Variants in NSD1 observed in about 807,000 individuals in gnomAD.
NSD1 encodes histone-lysine N-methyltransferase, H3 lysine-36 specific.
Under a neutral mutation model 242.7 loss-of-function variants are expected in NSD1, and 26 were observed. That is an observed-to-expected ratio of 0.11 (90% CI 0.08 to 0.15). The LOEUF is 0.15. NSD1 is among the 10% of genes least tolerant of loss of function. The pLI is 1.00. For missense variants in NSD1, 2,495 were observed against 3,272.8 expected, an observed-to-expected ratio of 0.76 and a Z score of 5.80; for synonymous variants, 1,106 against 1,178.1, an observed-to-expected ratio of 0.94 and a Z score of 1.25.
chr5:177,144,470 A>T (rs1304416281), intron 2 of NSD1, among the ~76,000 whole-genome samples: 1 of 152,120 alleles, frequency 6.6e-6, no homozygotes, highest in African/African-American at 2.4e-5. Flanking sequence ...TTTAATTAGT[A>T]ATCAGGAGCA....
intron 9 of NSD1, among the ~76,000 whole-genome samples, chr5:177,245,849 G>A (rs975424376): frequency 6.6e-6 from 1 of 152,032 alleles, no homozygotes; most frequent in African/African-American, 2.4e-5. Context: ...ATGTTGGCCA[G>A]GATGGTCTTG....
chr5:177,158,270 TTTCTTTCTTTCTTTCTTTCTTTC>T (rs1314848556), intron 2 of NSD1, among the ~76,000 whole-genome samples: 50 of 103,746 alleles, frequency 4.8e-4, no homozygotes, highest in African/African-American at 2.7e-3. Flanking sequence ...TCTTTCTTTC[TTTCTTTCTTTCTTTCTTTCTTTC>T]TTTCTTTCTT....
At chr5:177,195,493 G>A (rs1345697942) in intron 3 of NSD1, among the ~76,000 whole-genome samples, 1 of 151,840 alleles carries the variant, frequency 6.6e-6, no homozygotes, top group African/African-American at 2.4e-5. Flanking sequence ...TTTGATTGAG[G>A]GTCTCGTTCT....
chr5:177,256,381 C>G (rs531132798), intron 12 of NSD1, among the ~76,000 whole-genome samples: 52 of 148,784 alleles, frequency 3.5e-4, no homozygotes, highest in African/African-American at 1.2e-3. Flanking sequence ...CTTCCAGGCT[C>G]AAGCAATCCT....
intron 6 of NSD1, among the ~76,000 whole-genome samples, 170 bp downstream of exon 6, chr5:177,236,115 A>G (rs1469314984): frequency 1.3e-5 from 2 of 152,196 alleles, no homozygotes; most frequent in Non-Finnish European, 2.9e-5. Flanking sequence ...CAGGAAATAT[A>G]TAAATGAATC....
chr5:177,135,134 A>G lies in NSD1; in HGVS notation c.31A>G (p.Asn11Asp). Residue 11 changes from asparagine to aspartate, a missense_variant, in exon 2 of 23, where the codon AAT (asparagine) becomes GAT (aspartate). Physicochemically the swap from Asn to Asp is conservative, Grantham distance 23 (BLOSUM62 1). Transcript: ENST00000439151. ...TCAGACCTGTGAACTACCCAGAAGA[A>G]ATTGTCTGCTGCCCTTTTCCAATCC... MDQTCELPRR[N>D]CLLPFSNPVN... The G allele has an allele frequency of 6.2e-7, 1 of 1,614,186 alleles. No individual in the cohort carries two copies. The highest frequency in any genetic ancestry group is 8.5e-7 in the Non-Finnish European group (1 of 1,180,032).
rs1348059308 is a variant in NSD1, at chr5:177,135,140, C to A, written c.37C>A (p.Leu13Met). ...CTGTGAACTACCCAGAAGAAATTGT[C>A]TGCTGCCCTTTTCCAATCCAGTGAA... ...QTCELPRRNC[L>M]LPFSNPVNLD... Residue 13 changes from leucine to methionine, a missense_variant, in exon 2 of 23, where the codon CTG (leucine) becomes ATG (methionine). Coordinates refer to ENST00000439151, the MANE Select transcript of NSD1 (RefSeq NM_022455.5). 1 of 1,614,108 alleles carries A rather than the reference C, an allele frequency of 6.2e-7. No homozygotes were observed. The highest frequency in any genetic ancestry group is 8.5e-7 in the Non-Finnish European group (1 of 1,180,042).
intron 4 of NSD1, among the ~76,000 whole-genome samples, chr5:177,208,939 G>A (rs79307707): frequency 0.026 from 3,958 of 151,880 alleles, 182 homozygotes; most frequent in African/African-American, 0.091. Context: ...GAGGTGATTC[G>A]TCCTCCTCAG....
At chr5:177,139,558 A>G (rs1756637039) in intron 2 of NSD1, among the ~76,000 whole-genome samples, 1 of 152,206 alleles carries the variant, frequency 6.6e-6, no homozygotes, top group Non-Finnish European at 1.5e-5. Context: ...ATATTAATGT[A>G]TTCAACTTGT....
At position 177,295,469 on chromosome 5, in the gene NSD1, A is replaced by T; in HGVS notation, c.*10A>T. The T allele has an allele frequency of 6.2e-7, 1 of 1,613,544 alleles. No homozygotes were observed. The highest frequency in any genetic ancestry group is 8.5e-7 in the Non-Finnish European group (1 of 1,179,684). On this transcript the variant is annotated 3_prime_UTR_variant, in exon 23 of 23. Transcript: ENST00000439151. The surrounding 1 kb of genome is among the most constrained non-coding windows in gnomAD (Gnocchi z 4.3). The stretch of plus-strand genomic sequence containing the variant: ...ATCAGAACAGAAGTAGTACCAATCA[A>T]TGTCACATGAACAAACAAGCTGCCC...
chr5:177,279,054 TAA>T (rs1375197077), intron 17 of NSD1, among the ~76,000 whole-genome samples: 4 of 152,218 alleles, frequency 2.6e-5, no homozygotes, highest in Non-Finnish European at 5.9e-5. Context: ...ATAGTCCTTT[TAA>T]AAGATTTTAA....
chr5:177,191,786 T>C, intron 2 of NSD1, 98 bp from the exon 3 acceptor site: 1 of 1,294,844 alleles, frequency 7.7e-7, no homozygotes, highest in East Asian at 2.3e-5. Flanking sequence ...CATTCTCAAT[T>C]TTTCATACAT....
chr5:177,243,291 T>TCTC (rs1223946916), intron 8 of NSD1, among the ~76,000 whole-genome samples: 1 of 152,158 alleles, frequency 6.6e-6, no homozygotes, highest in African/African-American at 2.4e-5. Flanking sequence ...TTCAAACAGT[T>TCTC]CTCCTGCTTC....
chr5:177,145,328 G>A (rs1757150834), intron 2 of NSD1, among the ~76,000 whole-genome samples: 1 of 149,824 alleles, frequency 6.7e-6, no homozygotes, highest in African/African-American at 2.5e-5. Flanking sequence ...GCTCAGGCTG[G>A]AGTCTAGTAG....
intron 2 of NSD1, among the ~76,000 whole-genome samples, chr5:177,156,328 A>G (rs925468394): frequency 1.3e-5 from 2 of 151,764 alleles, no homozygotes; most frequent in African/African-American, 2.4e-5. Context: ...CTACAGGTGC[A>G]TACCACTATG....
chr5:177,151,474 T>A (rs939916017), intron 2 of NSD1, among the ~76,000 whole-genome samples: 22 of 151,984 alleles, frequency 1.4e-4, no homozygotes, highest in African/African-American at 4.8e-4. Context: ...CTGCAACTTC[T>A]GCCTCCCGGG....
chr5:177,219,806 A>G (rs1764092670), intron 5 of NSD1, among the ~76,000 whole-genome samples: 1 of 152,160 alleles, frequency 6.6e-6, no homozygotes. Context: ...CACTAAAAAT[A>G]CAAAAACTAG....
intron 5 of NSD1, among the ~76,000 whole-genome samples, chr5:177,221,398 A>C (rs1764223374): frequency 6.6e-6 from 1 of 152,048 alleles, no homozygotes; most frequent in South Asian, 2.1e-4. Flanking sequence ...GGCTTAAATA[A>C]AACATCTTAC....
At chr5:177,257,366 G>A (rs1756568357) in intron 13 of NSD1, among the ~76,000 whole-genome samples, 1 of 151,828 alleles carries the variant, frequency 6.6e-6, no homozygotes, top group South Asian at 2.1e-4. Flanking sequence ...GAGTAGCTGG[G>A]ACTACAGGCG....
Sources: allele counts gnomAD v4.1 joint callset (sites outside exome capture counted in the v4.1 genomes callset), GRCh38; gene constraint gnomAD v4.1.1; non-coding constraint Gnocchi (gnomAD v3.1); transcripts MANE v1.5; gene names NCBI Gene and HGNC (gene_info 2026-07-23, HGNC 2026-07-21).